The following TPD52L1 variants were observed in gnomAD, a reference collection of about 807,000 sequenced individuals.
TPD52L1 encodes the protein TPD52 like 1.
Under a neutral mutation model 28.7 loss-of-function variants are expected in TPD52L1, and 18 were observed. That is an observed-to-expected ratio of 0.63 (90% confidence interval 0.43 to 0.93). TPD52L1 has a LOEUF of 0.93. Among genes scored for constraint, TPD52L1 ranks in the 40% least tolerant of loss-of-function variants. The pLI is 0.00. For synonymous variants in TPD52L1, 75 were observed against 88.8 expected (o/e 0.84, Z 0.88); for missense variants, 203 against 254.8 (o/e 0.80, Z 1.39).
At chr6:125,210,513 G>A (rs904139578) in intron 1 of TPD52L1, among the ~76,000 whole-genome samples, 1 of 152,176 alleles carries the variant, frequency 6.6e-6, no homozygotes, top group Non-Finnish European at 1.5e-5. Context: ...ACTGAACATG[G>A]CCTGTGGGTT....
chr6:125,195,120 AT>A (rs1184887682), intron 1 of TPD52L1, among the ~76,000 whole-genome samples: 1 of 152,242 alleles, frequency 6.6e-6, no homozygotes, highest in African/African-American at 2.4e-5. Context: ...TACATATAAC[AT>A]TTGTTACAGA....
At position 125,199,417 on chromosome 6, in the gene TPD52L1, G is replaced by C. The variant is rs191283562; in HGVS notation, c.20-20661G>C. ...AAAGTAAAAGAGGCCAGGCGCAGTG[G>C]CTCACGCCTGTAATCCCAACACTTT... On this transcript the variant is annotated intron_variant, in intron 1 of 6. Coordinates refer to ENST00000534000, the MANE Select transcript of TPD52L1 (RefSeq NM_003287.4). Among the ~76,000 whole-genome samples the C allele has an allele frequency of 1.5e-3, 229 of 152,318 alleles. 1 individual carries two copies. Among genetic ancestry groups the C allele is most frequent in the African/African-American group, 5.4e-3 (225 of 41,568 alleles).
intron 1 of TPD52L1, among the ~76,000 whole-genome samples, chr6:125,196,049 A>G (rs1048294236): frequency 6.6e-6 from 1 of 152,156 alleles, no homozygotes; most frequent in Admixed American, 6.5e-5. Context: ...GGGTTTTGAC[A>G]TTGGCTGCCC....
Position 125,216,535 on chromosome 6 carries a change from A to G in TPD52L1, c.20-3543A>G, listed in dbSNP as rs1215893738. 3.2e-3 allele frequency among the ~76,000 whole-genome samples: 86 copies of G among 26,814 alleles called. No individual in the cohort carries two copies. The South Asian group carries it at 0.048, about 15-fold the overall frequency. 17.6% of individuals were successfully genotyped at this position (26,814 alleles called of 152,430 possible). A position where few individuals can be genotyped will look rare whatever the true frequency, so the allele number is the denominator to read the frequency against. On this transcript the variant is annotated intron_variant, in intron 1 of 6. Transcript: ENST00000534000. ...GTAAATTCAGTATGTGTGTGTATAT[A>G]TATATATATATATATATATATATAT... is the stretch of plus-strand genomic sequence containing the variant.
chr6:125,260,928 GA>G (rs1187050327), intron 6 of TPD52L1: 14 of 15,936 alleles, frequency 8.8e-4, no homozygotes, highest in African/African-American at 5.9e-3. Context: ...AAAGAAGAAA[GA>G]AAGAAAGAAA....
chr6:125,259,551 C>T (rs182916861), intron 6 of TPD52L1, among the ~76,000 whole-genome samples: 50 of 152,348 alleles, frequency 3.3e-4, no homozygotes, highest in Non-Finnish European at 4.1e-4. Flanking sequence ...AAATGCAGAA[C>T]GAACTCCTGT....
At chr6:125,201,774 G>T (rs1027030082) in intron 1 of TPD52L1, among the ~76,000 whole-genome samples, 3 of 152,174 alleles carry the variant, frequency 2.0e-5, no homozygotes, top group Admixed American at 6.5e-5. Context: ...TCTGTGACTT[G>T]AGTGAAACTT....
rs569579717 is a variant in TPD52L1, at chr6:125,159,690, A to G, written c.19+5720A>G. Among the ~76,000 whole-genome samples the G allele has an allele frequency of 1.4e-3, 212 of 152,304 alleles. 2 individuals carry two copies. The highest frequency in any genetic ancestry group is 6.2e-3 in the South Asian group (30 of 4,824). On this transcript the variant is annotated intron_variant, in intron 1 of 6. Coordinates refer to ENST00000534000, the MANE Select transcript of TPD52L1 (RefSeq NM_003287.4). ...CACTATCTATGGCAGCTGTTTTCTT[A>G]TGAGATGTATTTCTTAAATAATACG...
intron 6 of TPD52L1, chr6:125,260,938 A>G (rs569746033): frequency 1.3e-4 from 1 of 7,968 alleles, no homozygotes; most frequent in East Asian, 7.8e-3. Flanking sequence ...GAAAGAAAGA[A>G]AGAAAGAAAG....
At chr6:125,168,808 T>C (rs1338249712) in intron 1 of TPD52L1, among the ~76,000 whole-genome samples, 1 of 152,292 alleles carries the variant, frequency 6.6e-6, no homozygotes, top group East Asian at 1.9e-4. Flanking sequence ...CTGAGATTTT[T>C]ATTTGTTCTT....
chr6:125,172,985 T>C (rs1474374462), intron 1 of TPD52L1, among the ~76,000 whole-genome samples: 3 of 151,950 alleles, frequency 2.0e-5, no homozygotes, highest in Non-Finnish European at 2.9e-5. Flanking sequence ...AATGAAAAAA[T>C]GTACTTCATT....
chr6:125,256,336 C>T (rs1205519412), intron 5 of TPD52L1, among the ~76,000 whole-genome samples: 5 of 150,678 alleles, frequency 3.3e-5, no homozygotes, highest in Non-Finnish European at 7.4e-5. Flanking sequence ...GGTGACAGAA[C>T]GAGACTATCA....
intron 1 of TPD52L1, among the ~76,000 whole-genome samples, chr6:125,162,458 T>G (rs73771225): frequency 0.017 from 2,570 of 152,274 alleles, 78 homozygotes; most frequent in African/African-American, 0.059. Flanking sequence ...ACTTAGTAAT[T>G]TATAGTAAAT....
rs768933542 is a variant in TPD52L1, at chr6:125,220,236, C to G, written c.135+43C>G. 17 of 1,267,378 alleles carry G rather than the reference C, an allele frequency of 1.3e-5. No homozygotes were observed. The East Asian group carries it at 1.4e-4, about 10-fold the overall frequency. The allele number at this position is 1,267,378 out of a possible 1,614,324, so 78.5% of individuals were successfully genotyped here. On this transcript the variant is annotated intron_variant, in intron 2 of 6. Coordinates refer to ENST00000534000, the MANE Select transcript of TPD52L1 (RefSeq NM_003287.4). The stretch of plus-strand genomic sequence containing the variant: ...ATTGTTGCTATTTCTATCTCTGGAT[C>G]TTAAGAGTTATTATTAGTTTGATAT...
At chr6:125,163,381 A>C (rs991527371) in intron 1 of TPD52L1, among the ~76,000 whole-genome samples, 1 of 152,150 alleles carries the variant, frequency 6.6e-6, no homozygotes, top group African/African-American at 2.4e-5. Context: ...CAGGAGTTCA[A>C]GACCAGCCCA....
chr6:125,197,233 G>GA (rs1203125813), intron 1 of TPD52L1, among the ~76,000 whole-genome samples: 1 of 152,150 alleles, frequency 6.6e-6, no homozygotes, highest in Non-Finnish European at 1.5e-5. Flanking sequence ...TTTTCCAGAT[G>GA]AAAATCTGTT....
chr6:125,172,764 A>G (rs913322877), intron 1 of TPD52L1, among the ~76,000 whole-genome samples: 6 of 150,664 alleles, frequency 4.0e-5, no homozygotes, highest in African/African-American at 1.5e-4. Flanking sequence ...ACTCTCCAGC[A>G]CCTAGAACAG....
rs200999390 is a variant in TPD52L1 at position 125,175,000 on chromosome 6, T to C, written c.19+21030T>C. ...AAAATGAAAGCTTTTAATATGTTTGTGTTTATTTACATATATATGTGTGTG... is the reference window on the plus strand; with the variant it reads ...AAAATGAAAGCTTTTAATATGTTTGCGTTTATTTACATATATATGTGTGTG... On this transcript the variant is annotated intron_variant, in intron 1 of 6. Transcript: ENST00000534000. 3.3e-5 allele frequency among the ~76,000 whole-genome samples: 5 copies of C among 152,180 alleles called. No individual in the cohort carries two copies. In the East Asian group the frequency reaches 9.6e-4, roughly 29 times the overall value.
At chr6:125,197,179 C>T (rs1462997127) in intron 1 of TPD52L1, among the ~76,000 whole-genome samples, 1 of 152,194 alleles carries the variant, frequency 6.6e-6, no homozygotes, top group African/African-American at 2.4e-5. Context: ...TGTCCTTTCT[C>T]TTTGAATAAG....
Sources: allele counts gnomAD v4.1 joint callset (sites outside exome capture counted in the v4.1 genomes callset), GRCh38; gene constraint gnomAD v4.1.1; transcripts MANE v1.5; gene names NCBI Gene and HGNC (gene_info 2026-07-23, HGNC 2026-07-21).